KCNJ3: variants seen among roughly 807,000 people sequenced by gnomAD.
KCNJ3 encodes the protein potassium inwardly rectifying channel subfamily J member 3, also known as G protein-activated inward rectifier potassium channel 1.
A neutral mutation model predicts 39.2 loss-of-function variants in KCNJ3; 4 were observed. The ratio of observed to expected loss-of-function variants is 0.10; its 90% CI spans 0.05 to 0.23. The LOEUF (loss-of-function observed/expected upper bound fraction) is 0.23. Ranked by LOEUF, KCNJ3 falls within the 10% of genes least tolerant of loss-of-function variation. KCNJ3 has a pLI of 1.00. For synonymous variants in KCNJ3, 230 were observed against 237.4 expected (o/e 0.97, Z 0.29); for missense variants, 276 against 634.9 (o/e 0.43, Z 6.08).
Position 154,758,153 on chromosome 2 carries a change from G to A in KCNJ3, c.919+48334G>A, listed in dbSNP as rs576199171. Among the ~76,000 whole-genome samples, 6 of 152,236 alleles carry A rather than the reference G, an allele frequency of 3.9e-5. No homozygotes were observed. The South Asian group carries it at 6.2e-4, about 16-fold the overall frequency. On this transcript the variant is annotated intron_variant, in intron 2 of 2. Coordinates refer to ENST00000295101, the MANE Select transcript of KCNJ3 (RefSeq NM_002239.4). Reference sequence around the variant, plus strand: ...TACTTGTTTCCTATGTTTAAGCTGAGTGCATTTGTAGGGCTTTTGGTGGGG... The same window carrying A: ...TACTTGTTTCCTATGTTTAAGCTGAATGCATTTGTAGGGCTTTTGGTGGGG...
intron 2 of KCNJ3, among the ~76,000 whole-genome samples, chr2:154,722,100 G>A (rs1197625474): frequency 6.6e-6 from 1 of 151,826 alleles, no homozygotes; most frequent in Non-Finnish European, 1.5e-5. Flanking sequence ...TGTCTCATAG[G>A]TAGGCCTTCT....
chr2:154,741,186 G>T (rs1044636368), intron 2 of KCNJ3, among the ~76,000 whole-genome samples: 2 of 151,828 alleles, frequency 1.3e-5, no homozygotes, highest in African/African-American at 4.8e-5. Flanking sequence ...TTTTACATTA[G>T]ATGAATCTGA....
chr2:154,798,231 C>T (rs2105214997), intron 2 of KCNJ3, among the ~76,000 whole-genome samples: 1 of 150,902 alleles, frequency 6.6e-6, no homozygotes, highest in South Asian at 2.1e-4. Context: ...CGCACAGAGT[C>T]TGTTCCCTAG....
chr2:154,779,478 TA>T (rs1686396977), intron 2 of KCNJ3, among the ~76,000 whole-genome samples: 1 of 92,208 alleles, frequency 1.1e-5, no homozygotes, highest in South Asian at 2.5e-4. Context: ...GTATATATTA[TA>T]TATATATGTT....
Position 154,702,810 on chromosome 2 carries a change from ATTCT to A in KCNJ3, c.702+3339_702+3342del, listed in dbSNP as rs200860535. Among the ~76,000 whole-genome samples, 174 of 152,098 alleles carry A rather than the reference ATTCT, an allele frequency of 1.1e-3. 3 individuals carry two copies. In the East Asian group the frequency reaches 0.028, roughly 25 times the overall value. Reference sequence around the variant, plus strand: ...TATAGACAGCTCTTTTAAGATGAATATTCTTTCTTCCTCTTCTCCCCATATTGAA... The same window carrying A: ...TATAGACAGCTCTTTTAAGATGAATATTCTTCCTCTTCTCCCCATATTGAA... On this transcript the variant is annotated intron_variant, in intron 1 of 2. Coordinates refer to ENST00000295101, the MANE Select transcript of KCNJ3 (RefSeq NM_002239.4).
At chr2:154,828,083 G>A (rs907447027) in intron 2 of KCNJ3, among the ~76,000 whole-genome samples, 5 of 151,462 alleles carry the variant, frequency 3.3e-5, no homozygotes, top group Admixed American at 6.6e-5. Context: ...GTTGATATCC[G>A]CATTGTAGTT....
At chr2:154,730,390 TAA>T in intron 2 of KCNJ3, among the ~76,000 whole-genome samples, 1 of 152,134 alleles carries the variant, frequency 6.6e-6, no homozygotes, top group East Asian at 1.9e-4. Context: ...AGCCAAGTTT[TAA>T]AAGTTATGTT....
Position 154,855,304 on chromosome 2 carries a change from C to T in KCNJ3, c.1497C>T (p.Arg499=), listed in dbSNP as rs145304896. ...AATTAAGAAAAATGAACTCTGATCG[C>T]TTCACATAACAAAGCACTCCCTTAG... is the stretch of plus-strand genomic sequence containing the variant. The part of the protein sequence containing the change: ...PAKLRKMNSD[R]FT Residue 499 remains arginine (R), a synonymous_variant, in exon 3 of 3, where the codon CGC becomes CGT. Transcript: ENST00000295101. 5.6e-6 allele frequency: 9 copies of T among 1,596,394 alleles called. No homozygotes were observed. Among genetic ancestry groups the T allele is most frequent in the East Asian group, 2.2e-5 (1 of 44,554 alleles).
intron 2 of KCNJ3, among the ~76,000 whole-genome samples, chr2:154,840,468 T>C (rs1351909570): frequency 6.6e-6 from 1 of 152,222 alleles, no homozygotes; most frequent in Non-Finnish European, 1.5e-5. Flanking sequence ...TTTTTCCAAT[T>C]CTGTGAAGTC....
chr2:154,831,278 C>A (rs1298989926), intron 2 of KCNJ3, among the ~76,000 whole-genome samples: 1 of 152,040 alleles, frequency 6.6e-6, no homozygotes, highest in African/African-American at 2.4e-5. Flanking sequence ...ACACCAAATA[C>A]TCCTTATCTG....
intron 2 of KCNJ3, among the ~76,000 whole-genome samples, chr2:154,838,270 T>C (rs1400298718): frequency 1.3e-5 from 2 of 152,084 alleles, no homozygotes; most frequent in Non-Finnish European, 2.9e-5. Context: ...GAATGGGAAA[T>C]AGTAGTTTCT....
chr2:154,825,607 G>T (rs1687257959), intron 2 of KCNJ3, among the ~76,000 whole-genome samples: 1 of 151,022 alleles, frequency 6.6e-6, no homozygotes, highest in Non-Finnish European at 1.5e-5. Context: ...ACAAGGTCTT[G>T]CTCTGTTGCC....
intron 2 of KCNJ3, among the ~76,000 whole-genome samples, chr2:154,726,934 CAT>C (rs1685370278): frequency 6.6e-6 from 1 of 151,502 alleles, no homozygotes. Context: ...AACCAAATAT[CAT>C]ATGTTTTTAC....
At chr2:154,725,893 A>G (rs1685347278) in intron 2 of KCNJ3, among the ~76,000 whole-genome samples, 1 of 152,140 alleles carries the variant, frequency 6.6e-6, no homozygotes, top group Non-Finnish European at 1.5e-5. Flanking sequence ...GTGCTGGGAT[A>G]ATTGGCAAGC....
chr2:154,848,524 T>C (rs1192992013), intron 2 of KCNJ3, among the ~76,000 whole-genome samples: 2 of 152,180 alleles, frequency 1.3e-5, no homozygotes, highest in Non-Finnish European at 2.9e-5. Context: ...GATTCATTCA[T>C]TATTTTAATT....
intron 2 of KCNJ3, among the ~76,000 whole-genome samples, chr2:154,810,164 C>G (rs966581611): frequency 2.6e-5 from 4 of 152,046 alleles, no homozygotes; most frequent in Non-Finnish European, 4.4e-5. Flanking sequence ...GCTCACTGAG[C>G]CTTGACCTCC....
At chr2:154,826,893 T>C (rs115421716) in intron 2 of KCNJ3, among the ~76,000 whole-genome samples, 2,678 of 152,314 alleles carry the variant, frequency 0.018, 77 homozygotes, top group African/African-American at 0.06. Context: ...GTACACTTCA[T>C]TTATCAGAAT....
In KCNJ3 at chr2:154,821,349, A is replaced by G. The variant is rs112966913; in HGVS notation, c.920-33378A>G. On this transcript the variant is annotated intron_variant, in intron 2 of 2. Coordinates refer to ENST00000295101, the MANE Select transcript of KCNJ3 (RefSeq NM_002239.4). ...CATAGACACTATTTCTTGAAAGTGC[A>G]TTATTTTTCATGAGCAGATTACTAG... Among the ~76,000 whole-genome samples, 434 of 152,314 alleles carry G rather than the reference A, an allele frequency of 2.8e-3. 14 individuals carry two copies. The South Asian group carries it at 0.056, about 20-fold the overall frequency.
At chr2:154,840,038 T>C (rs1261023908) in intron 2 of KCNJ3, among the ~76,000 whole-genome samples, 1 of 152,232 alleles carries the variant, frequency 6.6e-6, no homozygotes, top group East Asian at 1.9e-4. Flanking sequence ...TGGTATTGCC[T>C]AGGTTTTCTT....
Sources: gnomAD v4.1 joint callset for allele counts (sites outside exome capture counted in the v4.1 genomes callset) on GRCh38, gnomAD v4.1.1 for gene constraint, MANE v1.5 for transcripts, NCBI Gene and HGNC (gene_info 2026-07-23, HGNC 2026-07-21) for gene names.